The following TTLL5 variants were observed in gnomAD, a reference collection of about 807,000 sequenced individuals.
The protein encoded by TTLL5 is tubulin polyglutamylase TTLL5.
A neutral mutation model predicts 168.4 loss-of-function variants in TTLL5; 132 were observed. The ratio of observed to expected loss-of-function variants is 0.78; its 90% CI spans 0.68 to 0.91. The LOEUF (loss-of-function observed/expected upper bound fraction) is 0.91. Among genes scored for constraint, TTLL5 ranks in the 40% least tolerant of loss-of-function variants. The probability of loss-of-function intolerance (pLI) is 0.00; values close to 1 mark genes in which losing one functional copy is unlikely to be tolerated. For synonymous variants in TTLL5, 546 were observed against 558.6 expected (o/e 0.98, Z 0.32); for missense variants, 1,545 against 1,581.5 (o/e 0.98, Z 0.39).
At chr14:75,934,957 G>A (rs1477780074) in intron 31 of TTLL5, among the ~76,000 whole-genome samples, 1 of 152,186 alleles carries the variant, frequency 6.6e-6, no homozygotes, top group African/African-American at 2.4e-5. Flanking sequence ...ATTAATTTGG[G>A]AGATAAATAT....
intron 28 of TTLL5, among the ~76,000 whole-genome samples, chr14:75,856,971 GA>G (rs1897162137): frequency 6.6e-6 from 1 of 152,076 alleles, no homozygotes; most frequent in African/African-American, 2.4e-5. Flanking sequence ...TGTATTTCTA[GA>G]ATATAAAAAT....
intron 6 of TTLL5, among the ~76,000 whole-genome samples, chr14:75,691,078 A>T (rs1885428826): frequency 6.6e-6 from 1 of 152,090 alleles, no homozygotes; most frequent in Non-Finnish European, 1.5e-5. Context: ...TTTGGATGTT[A>T]GGGTTTGGAG....
Position 75,942,966 on chromosome 14 carries a change from G to A in TTLL5, c.3824-11458G>A, listed in dbSNP as rs971435921. Among the ~76,000 whole-genome samples the A allele has an allele frequency of 4.6e-5, 7 of 152,172 alleles. No individual in the cohort carries two copies. The East Asian group carries it at 5.8e-4, about 13-fold the overall frequency. On this transcript the variant is annotated intron_variant, in intron 31 of 31. Transcript: ENST00000298832. Reference sequence around the variant, plus strand: ...TTTATTTCATAAATGCCAAGTGAGTGTATAAAGACAGTATTATCTGTAGAC... The same window carrying A: ...TTTATTTCATAAATGCCAAGTGAGTATATAAAGACAGTATTATCTGTAGAC...
At chr14:75,816,935 A>G (rs1894447464) in intron 27 of TTLL5, among the ~76,000 whole-genome samples, 1 of 150,888 alleles carries the variant, frequency 6.6e-6, no homozygotes, top group South Asian at 2.1e-4. Flanking sequence ...TGGCCAGAGA[A>G]GTTACTACCA....
intron 7 of TTLL5, among the ~76,000 whole-genome samples, chr14:75,705,924 C>T (rs1345999356): frequency 6.6e-6 from 1 of 151,960 alleles, no homozygotes; most frequent in Non-Finnish European, 1.5e-5. Flanking sequence ...TAATTTCCTG[C>T]TTCCCACCAT....
At chr14:75,938,287 T>TA (rs1326635840) in intron 31 of TTLL5, among the ~76,000 whole-genome samples, 1 of 152,232 alleles carries the variant, frequency 6.6e-6, no homozygotes, top group Non-Finnish European at 1.5e-5. Flanking sequence ...TGTATGGAGA[T>TA]ACTTGTTAAA....
chr14:75,816,377 G>A (rs1005930028), intron 27 of TTLL5, among the ~76,000 whole-genome samples: 5 of 152,104 alleles, frequency 3.3e-5, no homozygotes, highest in African/African-American at 4.8e-5. Flanking sequence ...CCAAGATTAC[G>A]CCACTGCACT....
chr14:75,715,289 A>T (rs12878386), intron 9 of TTLL5, among the ~76,000 whole-genome samples: 143,196 of 143,366 alleles, frequency 1, 71,513 homozygotes, highest in Admixed American at 1. Flanking sequence ...TTTTTTTTGT[A>T]ACTCACCATC....
chr14:75,855,166 A>G (rs199890125), intron 28 of TTLL5, among the ~76,000 whole-genome samples: 1 of 115,950 alleles, frequency 8.6e-6, no homozygotes, highest in African/African-American at 3.3e-5. Context: ...AAAAAAAAAA[A>G]GAAATAAGAA....
At chr14:75,862,750 G>A (rs937349661) in intron 28 of TTLL5, among the ~76,000 whole-genome samples, 7 of 151,928 alleles carry the variant, frequency 4.6e-5, no homozygotes, top group Admixed American at 2.0e-4. Flanking sequence ...AGACCAGTCA[G>A]GGCAACATGG....
intron 28 of TTLL5, among the ~76,000 whole-genome samples, chr14:75,829,682 G>A (rs926604836): frequency 2.6e-5 from 4 of 151,948 alleles, no homozygotes; most frequent in African/African-American, 4.8e-5. Flanking sequence ...GTTCTGCAGA[G>A]GAAGAGTTTA....
chr14:75,731,156 G>C (rs1197741772), intron 12 of TTLL5, among the ~76,000 whole-genome samples: 1 of 152,022 alleles, frequency 6.6e-6, no homozygotes, highest in Admixed American at 6.6e-5. Flanking sequence ...CTTGAAGCAA[G>C]GAAATTTGTA....
intron 26 of TTLL5, among the ~76,000 whole-genome samples, chr14:75,785,158 T>C (rs1040222430): frequency 2.0e-5 from 3 of 151,384 alleles, no homozygotes; most frequent in Non-Finnish European, 4.4e-5. Context: ...CCTAATCAAG[T>C]GTCACAGAGA....
chr14:75,744,851 TCTC>T (rs1889500430), intron 15 of TTLL5: 1 of 277,120 alleles, frequency 3.6e-6, no homozygotes, highest in South Asian at 8.0e-5. Context: ...CTTTCTTTCT[TCTC>T]TTTTCTCTCT....
intron 27 of TTLL5, among the ~76,000 whole-genome samples, chr14:75,814,322 C>T (rs1344299811): frequency 1.3e-5 from 2 of 152,276 alleles, no homozygotes; most frequent in Admixed American, 6.5e-5. Flanking sequence ...TGTTGATCAT[C>T]GTTGTATATC....
rs778792332 is a variant in TTLL5, at chr14:75,874,933, C to CCTT, written c.3523-7752_3523-7751insCTT. On this transcript the variant is annotated intron_variant, in intron 29 of 31. Transcript: ENST00000298832. ...AGAGAAAAAAAAAGACACTGGGGGC[C>CCTT]TTTTTTTTTTTTTTTTTTGAGACGG... Among the ~76,000 whole-genome samples, 56 of 97,544 alleles carry CCTT rather than the reference C, an allele frequency of 5.7e-4. 16 individuals are homozygous for CCTT. The highest frequency in any genetic ancestry group is 1.0e-3 in the Admixed American group (9 of 9,008). 64.0% of individuals were successfully genotyped at this position (97,544 alleles called of 152,430 possible). A position where few individuals can be genotyped will look rare whatever the true frequency, so the allele number is the denominator to read the frequency against.
intron 9 of TTLL5, 125 bp from the exon 10 acceptor site, chr14:75,717,736 A>C: frequency 1.2e-6 from 1 of 815,050 alleles, no homozygotes; most frequent in Non-Finnish European, 2.0e-6. Context: ...AGCACTTAGT[A>C]GGCACTTGGT....
At chr14:75,908,741 G>A (rs2140105422) in intron 31 of TTLL5, among the ~76,000 whole-genome samples, 1 of 152,096 alleles carries the variant, frequency 6.6e-6, no homozygotes, top group East Asian at 1.9e-4. Context: ...TCATCAGAGG[G>A]CTAATTATAT....
Position 75,925,112 on chromosome 14 carries a change from G to C in TTLL5, c.3823+22888G>C, listed in dbSNP as rs1385242522. 1.2e-4 allele frequency among the ~76,000 whole-genome samples: 17 copies of C among 147,630 alleles called. 1 individual carries two copies. The East Asian group carries it at 3.3e-3, about 29-fold the overall frequency. ...GGCTGACCCCCCAACCTCCCTCCCG[G>C]ACGGGGCGGCTGGCCGGGCGGGTGG... On this transcript the variant is annotated intron_variant, in intron 31 of 31. Transcript: ENST00000298832.
Sources: allele counts gnomAD v4.1 joint callset (sites outside exome capture counted in the v4.1 genomes callset), GRCh38; gene constraint gnomAD v4.1.1; transcripts MANE v1.5; gene names NCBI Gene and HGNC (gene_info 2026-07-23, HGNC 2026-07-21).